Variants in TIAM1 observed in about 807,000 individuals in gnomAD.
The protein encoded by TIAM1 is rho guanine nucleotide exchange factor TIAM1.
TIAM1 carries 65 observed loss-of-function variants against 163.5 expected under a neutral mutation model. The observed-to-expected ratio is 0.40, with a 90% CI of 0.33 to 0.49. The LOEUF (loss-of-function observed/expected upper bound fraction) is 0.49. Among genes scored for constraint, TIAM1 ranks in the 20% least tolerant of loss-of-function variants. TIAM1 has a pLI of 0.77. For missense variants in TIAM1, 1,789 were observed against 2,044.7 expected (o/e 0.87, Z 2.41); for synonymous variants, 833 against 810.1 (o/e 1.03, Z -0.48).
At chr21:31,225,472 T>TG (rs1372166209) in intron 7 of TIAM1, among the ~76,000 whole-genome samples, 1 of 152,132 alleles carries the variant, frequency 6.6e-6, no homozygotes, top group African/African-American at 2.4e-5. Context: ...ACATCATTGA[T>TG]GGGGGCCAGG....
chr21:31,299,278 T>G (rs1056244559), intron 2 of TIAM1, among the ~76,000 whole-genome samples: 1 of 152,236 alleles, frequency 6.6e-6, no homozygotes, highest in Admixed American at 6.5e-5. Context: ...CCCTATGCCT[T>G]TCGCAGCCCT....
intron 6 of TIAM1, among the ~76,000 whole-genome samples, chr21:31,226,952 G>GT (rs35401090): frequency 0.034 from 3,795 of 112,524 alleles, 105 homozygotes; most frequent in Non-Finnish European, 0.041. Context: ...AAAATTCTGT[G>GT]TTTTTTTTTT....
intron 2 of TIAM1, among the ~76,000 whole-genome samples, chr21:31,419,257 C>T (rs181615121): frequency 1.3e-5 from 2 of 152,262 alleles, no homozygotes; most frequent in South Asian, 2.1e-4. Context: ...CACATGAATG[C>T]GTGAGAAATT....
chr21:31,213,757 G>A (rs1243024181), intron 9 of TIAM1, among the ~76,000 whole-genome samples: 1 of 151,444 alleles, frequency 6.6e-6, no homozygotes, highest in African/African-American at 2.4e-5. Flanking sequence ...GGCTGGGCAT[G>A]GTGGCTCATG....
At chr21:31,302,383 A>C (rs958723129) in intron 2 of TIAM1, among the ~76,000 whole-genome samples, 8 of 152,200 alleles carry the variant, frequency 5.3e-5, no homozygotes, top group Non-Finnish European at 8.8e-5. Flanking sequence ...AAAAAGTCTT[A>C]AGGACCTTCA....
chr21:31,406,411 T>C (rs1375058770), intron 2 of TIAM1, among the ~76,000 whole-genome samples: 8 of 152,168 alleles, frequency 5.3e-5, no homozygotes, highest in Non-Finnish European at 1.2e-4. Context: ...TTAAACTTTC[T>C]CTATAAAATG....
At chr21:31,432,370 A>T (rs901337170) in intron 2 of TIAM1, among the ~76,000 whole-genome samples, 2 of 152,278 alleles carry the variant, frequency 1.3e-5, no homozygotes, top group Non-Finnish European at 1.5e-5. Flanking sequence ...AAGTGCTGGG[A>T]TTACAGGCGT....
intron 2 of TIAM1, among the ~76,000 whole-genome samples, chr21:31,299,210 A>G (rs974296235): frequency 6.6e-6 from 1 of 152,242 alleles, no homozygotes; most frequent in African/African-American, 2.4e-5. Flanking sequence ...GGCATATTTA[A>G]TTATTGAAAA....
chr21:31,399,255 T>A (rs546045829), intron 2 of TIAM1, among the ~76,000 whole-genome samples: 3 of 152,242 alleles, frequency 2.0e-5, no homozygotes, highest in Middle Eastern at 3.4e-3. Flanking sequence ...GGAAATTATT[T>A]TTTTTTAATA....
chr21:31,407,311 C>T (rs2077264113), intron 2 of TIAM1, among the ~76,000 whole-genome samples: 1 of 152,186 alleles, frequency 6.6e-6, no homozygotes, highest in Admixed American at 6.5e-5. Flanking sequence ...CAAAGTCTCT[C>T]ATCCTGGGCT....
chr21:31,223,675 G>A (rs2087763990), intron 7 of TIAM1, 84 bp from the exon 8 acceptor site: 1 of 1,326,804 alleles, frequency 7.5e-7, no homozygotes, highest in African/African-American at 1.5e-5. Flanking sequence ...AGATCTATAT[G>A]TCGTAAAGGC....
chr21:31,268,348 T>A (rs1235970712), intron 3 of TIAM1, among the ~76,000 whole-genome samples: 5 of 152,208 alleles, frequency 3.3e-5, no homozygotes, highest in Non-Finnish European at 7.3e-5. Context: ...ATTACCGTGA[T>A]CATTGCAAAG....
rs1378934309 is a variant in TIAM1, at chr21:31,118,559, A to G, written c.*1809T>C. 1 of 471,674 alleles carries G rather than the reference A, an allele frequency of 2.1e-6. No individual in the cohort carries two copies. Among genetic ancestry groups the G allele is most frequent in the Admixed American group, 2.3e-5 (1 of 42,554 alleles). The allele number at this position is 471,674 out of a possible 1,614,324, so 29.2% of individuals were successfully genotyped here. A position where few individuals can be genotyped will look rare whatever the true frequency, so the allele number is the denominator to read the frequency against. On this transcript the variant is annotated 3_prime_UTR_variant, in exon 28 of 28. Transcript: ENST00000541036. ...ATAGACACGTCATGACCTTATGTAC[A>G]AGAGACAATGGCACCCTCTCCAAGC... is the stretch of plus-strand genomic sequence containing the variant.
chr21:31,512,623 T>C (rs1469912156), intron 1 of TIAM1, among the ~76,000 whole-genome samples: 4 of 146,938 alleles, frequency 2.7e-5, no homozygotes, highest in Non-Finnish European at 1.5e-5. Flanking sequence ...TTTTCTTTTT[T>C]TTTTTTTTTT....
At chr21:31,196,819 T>C (rs1264383784) in intron 12 of TIAM1, among the ~76,000 whole-genome samples, 1 of 152,104 alleles carries the variant, frequency 6.6e-6, no homozygotes, top group Non-Finnish European at 1.5e-5. Context: ...CTATTCACAA[T>C]AGCAAAGATG....
At chr21:31,384,401 CAAAAA>C (rs5843516) in intron 2 of TIAM1, among the ~76,000 whole-genome samples, 26 of 107,830 alleles carry the variant, frequency 2.4e-4, no homozygotes, top group Non-Finnish European at 3.4e-4. Flanking sequence ...CCCATCTCTA[CAAAAA>C]AAAAAAAAAA....
chr21:31,380,666 T>TA (rs1166656503), intron 2 of TIAM1, among the ~76,000 whole-genome samples: 1 of 152,190 alleles, frequency 6.6e-6, no homozygotes. Flanking sequence ...AGCTGTTTTT[T>TA]AAAAAATCCA....
chr21:31,211,580 TG>T (rs2086888686), intron 10 of TIAM1, among the ~76,000 whole-genome samples: 1 of 152,102 alleles, frequency 6.6e-6, no homozygotes, highest in Non-Finnish European at 1.5e-5. Context: ...AATCCAAGAA[TG>T]GGGGAAACGT....
At chr21:31,471,806 T>G (rs1355361555) in intron 1 of TIAM1, among the ~76,000 whole-genome samples, 1 of 151,436 alleles carries the variant, frequency 6.6e-6, no homozygotes, top group African/African-American at 2.4e-5. Flanking sequence ...GAGGCAGAGG[T>G]TGCAGTAAGC....
Sources: gnomAD v4.1 joint callset for allele counts (sites outside exome capture counted in the v4.1 genomes callset) on GRCh38, gnomAD v4.1.1 for gene constraint, MANE v1.5 for transcripts, NCBI Gene and HGNC (gene_info 2026-07-23, HGNC 2026-07-21) for gene names.